HIPK3: variants seen among roughly 807,000 people sequenced by gnomAD.
The protein encoded by HIPK3 is homeodomain interacting protein kinase 3.
HIPK3 carries 47 observed loss-of-function variants against 124.2 expected under a neutral mutation model. The observed-to-expected ratio is 0.38, with a 90% CI of 0.30 to 0.48. HIPK3 has a LOEUF of 0.48. Among genes scored for constraint, HIPK3 ranks in the 20% least tolerant of loss-of-function variants. The pLI is 0.98. For missense variants in HIPK3, 1,286 were observed against 1,454.3 expected (o/e 0.88, Z 1.88); for synonymous variants, 482 against 515.2 (o/e 0.94, Z 0.87).
intron 2 of HIPK3, among the ~76,000 whole-genome samples, chr11:33,297,920 G>A (rs1283666031): frequency 6.6e-6 from 1 of 151,404 alleles, no homozygotes; most frequent in Non-Finnish European, 1.5e-5. Flanking sequence ...CTCCCGAGTA[G>A]CTGGGATTAC....
intron 2 of HIPK3, among the ~76,000 whole-genome samples, chr11:33,326,948 T>C (rs969146932): frequency 6.6e-6 from 1 of 152,160 alleles, no homozygotes; most frequent in East Asian, 1.9e-4. Flanking sequence ...CCCAAAGTGC[T>C]GGGATTACAG....
At chr11:33,284,912 TTATC>T (rs1266905607) in intron 1 of HIPK3, among the ~76,000 whole-genome samples, 5 of 152,318 alleles carry the variant, frequency 3.3e-5, no homozygotes, top group African/African-American at 9.6e-5. Flanking sequence ...ACCTGTGTAA[TTATC>T]AGTTTTTCTA....
intron 1 of HIPK3, among the ~76,000 whole-genome samples, chr11:33,283,386 A>G (rs1487424555): frequency 6.6e-6 from 1 of 152,198 alleles, no homozygotes; most frequent in African/African-American, 2.4e-5. Context: ...CTGGGATTAC[A>G]GGCGTGACCC....
chr11:33,293,865 CAAA>C (rs770212564), intron 2 of HIPK3, among the ~76,000 whole-genome samples: 1 of 151,472 alleles, frequency 6.6e-6, no homozygotes, highest in Non-Finnish European at 1.5e-5. Flanking sequence ...AGACAAAGAA[CAAA>C]AAAAAGTAGT....
intron 1 of HIPK3, among the ~76,000 whole-genome samples, chr11:33,268,100 G>GC (rs1362024399): frequency 6.6e-6 from 1 of 151,840 alleles, no homozygotes; most frequent in Non-Finnish European, 1.5e-5. Flanking sequence ...AATCTCAGCT[G>GC]CTCCGGAGCC....
intron 2 of HIPK3, among the ~76,000 whole-genome samples, chr11:33,309,334 C>T (rs887252338): frequency 6.6e-6 from 1 of 152,146 alleles, no homozygotes; most frequent in African/African-American, 2.4e-5. Flanking sequence ...AGCCTGGCCT[C>T]CAACTTGTGG....
chr11:33,273,331 C>T (rs573394757), intron 1 of HIPK3, among the ~76,000 whole-genome samples: 23 of 151,914 alleles, frequency 1.5e-4, no homozygotes, highest in African/African-American at 4.1e-4. Context: ...GGTGAAACCC[C>T]GTCTGTACTA....
intron 8 of HIPK3, among the ~76,000 whole-genome samples, chr11:33,343,933 G>C (rs1428655224): frequency 2.6e-5 from 4 of 152,058 alleles, no homozygotes; most frequent in African/African-American, 9.7e-5. Context: ...ATTACTTTCT[G>C]GTAATAAAAA....
intron 4 of HIPK3, among the ~76,000 whole-genome samples, chr11:33,338,436 G>A (rs1853224919): frequency 6.6e-6 from 1 of 152,166 alleles, no homozygotes; most frequent in African/African-American, 2.4e-5. Context: ...GTTTCACCAT[G>A]TTGACCAGGA....
At position 33,348,003 on chromosome 11, in the gene HIPK3, T is replaced by G. The variant is rs754901481; in HGVS notation, c.2296T>G (p.Cys766Gly). ...QPATTKKNKQ[C>G]QNRGILVKLM... Reference sequence around the variant, plus strand: ...TGCCACTACCAAGAAAAATAAACAGTGCCAGAACAGGTTGGTATTGGTGCT... The same window carrying G: ...TGCCACTACCAAGAAAAATAAACAGGGCCAGAACAGGTTGGTATTGGTGCT... Residue 766 changes from cysteine to glycine, a missense_variant, in exon 11 of 17, where the codon TGC becomes GGC. Around this residue, in one of 3 missense-constraint regions of HIPK3, gnomAD observed 810 missense variants for 864.9 expected, o/e 0.94. Transcript: ENST00000303296. 5 of 1,614,070 alleles carry G rather than the reference T, an allele frequency of 3.1e-6. No individual in the cohort carries two copies. The African/African-American group carries it at 6.7e-5, about 22-fold the overall frequency.
intron 2 of HIPK3, among the ~76,000 whole-genome samples, chr11:33,308,546 T>C (rs781490146): frequency 2.6e-5 from 4 of 152,016 alleles, no homozygotes; most frequent in Non-Finnish European, 5.9e-5. Context: ...TTTTCCCCCC[T>C]CTGGCTGCAT....
At chr11:33,324,715 C>T (rs1021900596) in intron 2 of HIPK3, among the ~76,000 whole-genome samples, 1 of 152,196 alleles carries the variant, frequency 6.6e-6, no homozygotes, top group African/African-American at 2.4e-5. Flanking sequence ...ATGGGAGGCT[C>T]CTCATACAGA....
intron 1 of HIPK3, among the ~76,000 whole-genome samples, chr11:33,283,490 G>A (rs1851466477): frequency 1.3e-5 from 2 of 152,122 alleles, no homozygotes; most frequent in African/African-American, 4.8e-5. Context: ...TTTTGTAGCA[G>A]ATTTATTAAG....
intron 1 of HIPK3, among the ~76,000 whole-genome samples, chr11:33,281,426 CTTCTA>C (rs1851410183): frequency 6.6e-6 from 1 of 152,096 alleles, no homozygotes; most frequent in South Asian, 2.1e-4. Flanking sequence ...ACTTTTTCCT[CTTCTA>C]TATTATTTCA....
intron 2 of HIPK3, among the ~76,000 whole-genome samples, chr11:33,311,926 CACACACACACT>C (rs1316176225): frequency 3.9e-4 from 56 of 145,160 alleles, no homozygotes; most frequent in African/African-American, 1.3e-3. Context: ...CACACACACA[CACACACACACT>C]ACACACACAC....
intron 1 of HIPK3, among the ~76,000 whole-genome samples, chr11:33,266,291 A>G (rs957382920): frequency 3.7e-5 from 5 of 136,444 alleles, no homozygotes; most frequent in African/African-American, 1.4e-4. Context: ...TAGCACATTC[A>G]AACTTCTAGG....
chr11:33,290,365 GA>G (rs946090823), intron 2 of HIPK3, among the ~76,000 whole-genome samples: 2 of 151,336 alleles, frequency 1.3e-5, no homozygotes, highest in East Asian at 1.9e-4. Flanking sequence ...TTTTTTTCTG[GA>G]AAAAAATTGT....
intron 7 of HIPK3, 130 bp from the exon 8 acceptor site, chr11:33,341,433 T>G: frequency 9.8e-7 from 1 of 1,022,044 alleles, no homozygotes; most frequent in Non-Finnish European, 1.4e-6. Context: ...GGCAGCTTGT[T>G]TTTGTTCTCA....
At chr11:33,316,322 G>A (rs1200841789) in intron 2 of HIPK3, among the ~76,000 whole-genome samples, 1 of 152,196 alleles carries the variant, frequency 6.6e-6, no homozygotes, top group Non-Finnish European at 1.5e-5. Context: ...AGTTCCACTT[G>A]TGGAAATGCT....
Sources: gnomAD v4.1 joint callset for allele counts (sites outside exome capture counted in the v4.1 genomes callset) on GRCh38, gnomAD v4.1.1 for gene constraint, gnomAD v4.1.1 regional missense constraint, MANE v1.5 for transcripts, NCBI Gene and HGNC (gene_info 2026-07-23, HGNC 2026-07-21) for gene names.